Variants in HACD3 observed in about 807,000 individuals in gnomAD.
HACD3 encodes the protein 3-hydroxyacyl-CoA dehydratase 3, also known as very-long-chain (3R)-3-hydroxyacyl-CoA dehydratase 3.
A neutral mutation model predicts 55.2 loss-of-function variants in HACD3; 30 were observed. The observed-to-expected ratio is 0.54, with a 90% CI of 0.41 to 0.74. The LOEUF (loss-of-function observed/expected upper bound fraction) is 0.74, where lower values mean the gene tolerates loss of function less well. HACD3 is among the 30% of genes least tolerant of loss of function. The pLI is 0.00. For synonymous variants in HACD3, 141 were observed against 151.7 expected (o/e 0.93, Z 0.52); for missense variants, 363 against 440.1 (o/e 0.82, Z 1.57).
At chr15:65,573,225 AAAAG>A (rs965942891) in intron 10 of HACD3, among the ~76,000 whole-genome samples, 48 of 152,304 alleles carry the variant, frequency 3.2e-4, no homozygotes, top group African/African-American at 1.0e-3. Flanking sequence ...ACAGAAGGGA[AAAAG>A]AAAGAAACCT....
Position 65,572,298 on chromosome 15 carries a change from C to T in HACD3, c.944C>T (p.Pro315Leu), listed in dbSNP as rs367653111. 40 of 1,613,172 alleles carry T rather than the reference C, an allele frequency of 2.5e-5. No individual in the cohort carries two copies. The highest frequency in any genetic ancestry group is 3.4e-5 in the Non-Finnish European group (40 of 1,179,774). ...ACCGGACGATTCAGTTTCACATTGC[C>T]ATATCCAGTGAAAATCAAAGTTAGA... ...NETGRFSFTL[P>L]YPVKIKVRFS... Residue 315 changes from proline to leucine, a missense_variant, in exon 10 of 11, where the codon CCA becomes CTA. Pro to Leu is a moderately conservative substitution (Grantham distance 98). Coordinates refer to ENST00000261875, the MANE Select transcript of HACD3 (RefSeq NM_016395.4).
chr15:65,552,686 T>A (rs1007145811), intron 2 of HACD3, among the ~76,000 whole-genome samples: 51 of 151,890 alleles, frequency 3.4e-4, no homozygotes, highest in African/African-American at 1.2e-3. Context: ...TCTTTTTTTT[T>A]TAAATTTATT....
At chr15:65,564,877 C>T (rs1169552165) in intron 7 of HACD3, 1 of 152,620 alleles carries the variant, frequency 6.6e-6, no homozygotes, top group Non-Finnish European at 1.5e-5. Flanking sequence ...AGTCCACAGT[C>T]CAAAGTCTCA....
In HACD3 at chr15:65,556,723, T is replaced by G. The variant is rs749456968; in HGVS notation, c.205-16T>G. 3.8e-6 allele frequency: 6 copies of G among 1,586,022 alleles called. No individual in the cohort carries two copies. The highest frequency in any genetic ancestry group is 3.4e-5 in the South Asian group (3 of 88,634). Reference sequence around the variant, plus strand: ...AACAGAAGAGGGCATTCTCACATTTTCACTTTCTCTCCTAGCCTGTTTACA... The same window carrying G: ...AACAGAAGAGGGCATTCTCACATTTGCACTTTCTCTCCTAGCCTGTTTACA... On this transcript the variant is annotated splice_polypyrimidine_tract_variant and intron_variant, in intron 3 of 10. Transcript: ENST00000261875.
intron 7 of HACD3, among the ~76,000 whole-genome samples, chr15:65,567,672 G>A (rs1201829840): frequency 6.6e-6 from 1 of 152,192 alleles, no homozygotes; most frequent in African/African-American, 2.4e-5. Context: ...GAATGGATAA[G>A]AATGACTGTT....
At chr15:65,531,874 G>T (rs1369407441) in intron 1 of HACD3, among the ~76,000 whole-genome samples, 2 of 151,940 alleles carry the variant, frequency 1.3e-5, no homozygotes, top group Non-Finnish European at 2.9e-5. Context: ...CCTCTGGAAG[G>T]TTCTTTCTAC....
At chr15:65,549,681 G>A (rs1005096898) in intron 1 of HACD3, among the ~76,000 whole-genome samples, 22 of 151,004 alleles carry the variant, frequency 1.5e-4, no homozygotes, top group Non-Finnish European at 2.8e-4. Context: ...TCCATAAACC[G>A]TATTTCAGAG....
Position 65,576,428 on chromosome 15 carries a change from T to G in HACD3, c.*49T>G. On this transcript the variant is annotated 3_prime_UTR_variant, in exon 11 of 11. Coordinates refer to ENST00000261875, the MANE Select transcript of HACD3 (RefSeq NM_016395.4). Reference sequence around the variant, plus strand: ...TGCCAGTTTGAGCCTAATCTGATTCTTACAGTTTTACCTTCTTGAACCAAT... The same window carrying G: ...TGCCAGTTTGAGCCTAATCTGATTCGTACAGTTTTACCTTCTTGAACCAAT... 6.6e-7 allele frequency: 1 copy of G among 1,520,388 alleles called. No homozygotes were observed. The highest frequency in any genetic ancestry group is 8.8e-7 in the Non-Finnish European group (1 of 1,132,168). 94.2% of individuals were successfully genotyped at this position (1,520,388 alleles called of 1,614,324 possible).
chr15:65,542,093 G>T (rs963538977), intron 1 of HACD3, among the ~76,000 whole-genome samples: 1 of 151,712 alleles, frequency 6.6e-6, no homozygotes, highest in Admixed American at 6.6e-5. Flanking sequence ...GCTGGGCGTG[G>T]TGGCATGTTC....
chr15:65,546,479 T>C (rs1164949562), intron 1 of HACD3, among the ~76,000 whole-genome samples: 1 of 152,200 alleles, frequency 6.6e-6, no homozygotes, highest in African/African-American at 2.4e-5. Flanking sequence ...AAGGCAAATA[T>C]TGGGAGCTTT....
chr15:65,551,727 C>T lies in HACD3; in HGVS notation c.130+9C>T, dbSNP rs1306938295. On this transcript the variant is annotated intron_variant, in intron 2 of 10. Coordinates refer to ENST00000261875, the MANE Select transcript of HACD3 (RefSeq NM_016395.4). ...CGTGCTGCATTTCAAAGGTCAGTATCCCAGCAAATGCTCCCATCTCTATAC... is the reference window on the plus strand; with the variant it reads ...CGTGCTGCATTTCAAAGGTCAGTATTCCAGCAAATGCTCCCATCTCTATAC... 3.1e-6 allele frequency: 5 copies of T among 1,613,652 alleles called. No individual in the cohort carries two copies. The highest frequency in any genetic ancestry group is 4.2e-6 in the Non-Finnish European group (5 of 1,179,714).
At chr15:65,570,831 C>G (rs1160304560) in intron 8 of HACD3, among the ~76,000 whole-genome samples, 1 of 152,120 alleles carries the variant, frequency 6.6e-6, no homozygotes, top group Non-Finnish European at 1.5e-5. Flanking sequence ...GGTATTTTGA[C>G]AAAGTTGCTA....
At chr15:65,569,992 T>C (rs1397506405) in intron 7 of HACD3, 99 bp from the exon 8 acceptor site, 4 of 743,762 alleles carry the variant, frequency 5.4e-6, no homozygotes, top group Non-Finnish European at 8.3e-6. Flanking sequence ...TCTTTTCTAT[T>C]TGCCTTGCAT....
At chr15:65,566,144 A>G (rs1330292948) in intron 7 of HACD3, 1 of 152,184 alleles carries the variant, frequency 6.6e-6, no homozygotes, top group Non-Finnish European at 1.5e-5. Context: ...TCATATCACT[A>G]TCAGCATTTT....
chr15:65,552,117 C>G (rs551108442), intron 2 of HACD3, among the ~76,000 whole-genome samples: 2 of 152,124 alleles, frequency 1.3e-5, no homozygotes, highest in South Asian at 4.2e-4. Flanking sequence ...AATGTTTCCA[C>G]AGGACTCTCA....
chr15:65,543,514 A>G (rs961633199), intron 1 of HACD3, among the ~76,000 whole-genome samples: 1 of 152,226 alleles, frequency 6.6e-6, no homozygotes, highest in African/African-American at 2.4e-5. Context: ...ACTGTAAAAG[A>G]TATAAATCTT....
chr15:65,538,553 T>C (rs533050159), intron 1 of HACD3, among the ~76,000 whole-genome samples: 1 of 152,368 alleles, frequency 6.6e-6, no homozygotes, highest in Admixed American at 6.5e-5. Context: ...GGAATCTATT[T>C]CTGATGAAGA....
intron 1 of HACD3, among the ~76,000 whole-genome samples, chr15:65,536,123 C>T (rs920309381): frequency 2.0e-5 from 3 of 152,114 alleles, no homozygotes; most frequent in African/African-American, 7.2e-5. Flanking sequence ...CTCAAGTGAT[C>T]CTTCCACCTC....
chr15:65,577,269 TAAA>T lies in HACD3; in HGVS notation c.*895_*897del, dbSNP rs947284903. The T allele has an allele frequency of 1.3e-5, 2 of 151,796 alleles. No homozygotes were observed. The highest frequency in any genetic ancestry group is 2.9e-5 in the Non-Finnish European group (2 of 67,966). The allele number at this position is 151,796 out of a possible 1,614,324, so 9.4% of individuals were successfully genotyped here. A position where few individuals can be genotyped will look rare whatever the true frequency, so the allele number is the denominator to read the frequency against. On this transcript the variant is annotated 3_prime_UTR_variant, in exon 11 of 11. Transcript: ENST00000261875. ...GTGAGACCCCTATCTCTACAAAAAA[TAAA>T]AAAATTAGCTGGGTGTGATGGCACA... is the stretch of plus-strand genomic sequence containing the variant.
Sources: gnomAD v4.1 joint callset for allele counts (sites outside exome capture counted in the v4.1 genomes callset) on GRCh38, gnomAD v4.1.1 for gene constraint, MANE v1.5 for transcripts, NCBI Gene and HGNC (gene_info 2026-07-23, HGNC 2026-07-21) for gene names.